The following UBE2F variants were observed in gnomAD, a reference collection of about 807,000 sequenced individuals.
UBE2F encodes ubiquitin conjugating enzyme E2 F (putative), also known as NEDD8-conjugating enzyme UBE2F.
A neutral mutation model predicts 29.6 loss-of-function variants in UBE2F; 5 were observed. That is an observed-to-expected ratio of 0.17 (90% CI 0.09 to 0.36). The LOEUF is 0.36. UBE2F is among the 10% of genes least tolerant of loss of function. The probability of loss-of-function intolerance (pLI) is 1.00; values close to 1 mark genes in which losing one functional copy is unlikely to be tolerated. For synonymous variants in UBE2F, 66 were observed against 81.8 expected (o/e 0.81, Z 1.04); for missense variants, 141 against 228.5 (o/e 0.62, Z 2.47).
intron 4 of UBE2F, among the ~76,000 whole-genome samples, chr2:237,995,180 A>G (rs937967506): frequency 1.3e-4 from 20 of 152,328 alleles, no homozygotes; most frequent in Admixed American, 5.2e-4. Flanking sequence ...CAGCCTGCCT[A>G]TCTACAAAGT....
intron 4 of UBE2F, among the ~76,000 whole-genome samples, chr2:237,995,082 TG>T (rs1290181306): frequency 6.6e-6 from 1 of 152,230 alleles, no homozygotes; most frequent in African/African-American, 2.4e-5. Context: ...GTGAAGAGTG[TG>T]GGCTCTGAAG....
intron 6 of UBE2F, among the ~76,000 whole-genome samples, chr2:238,028,088 G>C (rs771670677): frequency 6.6e-6 from 1 of 152,230 alleles, no homozygotes; most frequent in Non-Finnish European, 1.5e-5. Flanking sequence ...AAGTGTCTCT[G>C]TCTCCTGAGC....
intron 2 of UBE2F, 109 bp from the exon 3 acceptor site, chr2:237,987,854 T>G: frequency 5.1e-6 from 2 of 391,418 alleles, no homozygotes; most frequent in Non-Finnish European, 9.4e-6. Context: ...AGTTCATCCT[T>G]TTTTTTTTTT....
chr2:238,013,596 C>G (rs1252707012), intron 4 of UBE2F, among the ~76,000 whole-genome samples: 2 of 152,256 alleles, frequency 1.3e-5, no homozygotes, highest in South Asian at 2.1e-4. Flanking sequence ...TGTTACCAGA[C>G]AGAGCATATG....
chr2:237,977,932 G>C (rs1301724497), intron 2 of UBE2F, among the ~76,000 whole-genome samples: 1 of 152,092 alleles, frequency 6.6e-6, no homozygotes, highest in Non-Finnish European at 1.5e-5. Context: ...TAGGGAGTTT[G>C]TCATGCAGGA....
chr2:237,969,567 G>A (rs566846302), intron 1 of UBE2F, among the ~76,000 whole-genome samples: 9 of 152,304 alleles, frequency 5.9e-5, no homozygotes, highest in Non-Finnish European at 7.3e-5. Flanking sequence ...CATCTGGTGC[G>A]TCCAGCTGAC....
chr2:238,005,295 A>C (rs1233150852), intron 4 of UBE2F, among the ~76,000 whole-genome samples: 1 of 152,058 alleles, frequency 6.6e-6, no homozygotes, highest in Non-Finnish European at 1.5e-5. Flanking sequence ...TCCTGGGCTC[A>C]AGTTATCCTT....
At chr2:237,970,569 A>G (rs2063155047) in intron 1 of UBE2F, among the ~76,000 whole-genome samples, 3 of 152,288 alleles carry the variant, frequency 2.0e-5, no homozygotes, top group African/African-American at 7.2e-5. Flanking sequence ...TATGACCGTG[A>G]AAGTGCAGAG....
At chr2:237,973,363 T>C in intron 2 of UBE2F, 138 bp downstream of exon 2, 1 of 1,014,670 alleles carries the variant, frequency 9.9e-7, no homozygotes, top group Non-Finnish European at 1.4e-6. Context: ...ATTGCTTATC[T>C]CTTATAGTGA....
Position 237,967,184 on chromosome 2 carries a change from C to A in UBE2F, c.-17+52C>A. 1 of 1,110,468 alleles carries A rather than the reference C, an allele frequency of 9.0e-7. No individual in the cohort carries two copies. The highest frequency in any genetic ancestry group is 1.7e-5 in the African/African-American group (1 of 60,114). The allele number at this position is 1,110,468 out of a possible 1,614,324, so 68.8% of individuals were successfully genotyped here. ...GCGGGGCGAGGTGCGGCCGCCGGTG[C>A]ACGGGCTGGCCTGCGGGCCGGGCGG... is the stretch of plus-strand genomic sequence containing the variant. On this transcript the variant is annotated intron_variant, in intron 1 of 9. Transcript: ENST00000272930. The surrounding 1 kb of genome is among the most constrained non-coding windows in gnomAD (Gnocchi z 6.3).
chr2:238,032,417 C>T (rs2064604059), intron 8 of UBE2F, 163 bp downstream of exon 8: 4 of 601,378 alleles, frequency 6.7e-6, no homozygotes, highest in African/African-American at 1.9e-5. Context: ...GGTGGATCCC[C>T]ACTTGAGTCC....
intron 5 of UBE2F, 115 bp from the exon 6 acceptor site, chr2:238,025,227 C>A: frequency 2.3e-6 from 2 of 869,142 alleles, no homozygotes; most frequent in Non-Finnish European, 3.8e-6. Flanking sequence ...TCAAACTGCA[C>A]ACTGAGTCAG....
chr2:237,974,906 C>T (rs2063248538), intron 2 of UBE2F, among the ~76,000 whole-genome samples: 2 of 151,930 alleles, frequency 1.3e-5, no homozygotes, highest in African/African-American at 4.8e-5. Context: ...GCCTCGGCCT[C>T]CCAAAGTGCT....
intron 3 of UBE2F, among the ~76,000 whole-genome samples, chr2:237,991,307 A>G (rs1267097309): frequency 1.3e-5 from 2 of 152,204 alleles, no homozygotes; most frequent in African/African-American, 4.8e-5. Flanking sequence ...ATAACCCTTT[A>G]CTATCTATTT....
intron 5 of UBE2F, among the ~76,000 whole-genome samples, chr2:238,021,646 C>T (rs1375195253): frequency 6.6e-6 from 1 of 152,236 alleles, no homozygotes; most frequent in Admixed American, 6.5e-5. Context: ...TCATTGGTCA[C>T]TGGTTGACCA....
rs771272245 is a variant in UBE2F at position 237,994,748 on chromosome 2, A to G, written c.153A>G (p.Thr51=). The G allele has an allele frequency of 8.1e-5, 131 of 1,613,942 alleles. No homozygotes were observed. Among genetic ancestry groups the G allele is most frequent in the South Asian group, 1.8e-4 (16 of 91,078 alleles). ...VAELEANLPC[T]CKVHFPDPNK... is the part of the protein sequence containing the mutation. ...GATGTGCTGTTTCTTTTGCAGGTAC[A>G]TGTAAAGTGCATTTTCCTGATCCAA... is the stretch of plus-strand genomic sequence containing the variant. The change falls in exon 4 of 10, where the codon ACA becomes ACG. Residue 51 remains threonine (T), a synonymous_variant. Coordinates refer to ENST00000272930, the MANE Select transcript of UBE2F (RefSeq NM_080678.3).
intron 2 of UBE2F, among the ~76,000 whole-genome samples, chr2:237,983,867 A>T (rs970191061): frequency 2.6e-5 from 4 of 151,466 alleles, no homozygotes; most frequent in Admixed American, 2.0e-4. Context: ...CATGTTTCTC[A>T]TCTGTAACTT....
intron 5 of UBE2F, among the ~76,000 whole-genome samples, chr2:238,017,276 A>C (rs1193750389): frequency 6.6e-6 from 1 of 152,204 alleles, no homozygotes; most frequent in Non-Finnish European, 1.5e-5. Context: ...CACTTTGGAA[A>C]GTGGTCAGGG....
chr2:237,996,476 G>GT lies in UBE2F; in HGVS notation c.214+1683dup, dbSNP rs11293005. ...TGTTTCTTCCCCGCCTCCCCTCCGC[G>GT]TTTTTTTTTTTTTTTTGAGACCAAG... is the stretch of plus-strand genomic sequence containing the variant. On this transcript the variant is annotated intron_variant, in intron 4 of 9. Coordinates refer to ENST00000272930, the MANE Select transcript of UBE2F (RefSeq NM_080678.3). 2.1e-3 allele frequency among the ~76,000 whole-genome samples: 287 copies of GT among 138,414 alleles called. 9 individuals carry two copies. The highest frequency in any genetic ancestry group is 3.2e-3 in the African/African-American group (123 of 38,004). The allele number at this position is 138,414 out of a possible 152,430, so 90.8% of individuals were successfully genotyped here.
Sources: gnomAD v4.1 joint callset for allele counts (sites outside exome capture counted in the v4.1 genomes callset) on GRCh38, gnomAD v4.1.1 for gene constraint, Gnocchi (gnomAD v3.1) non-coding constraint, MANE v1.5 for transcripts, NCBI Gene and HGNC (gene_info 2026-07-23, HGNC 2026-07-21) for gene names.